PRUNE2: variants seen among roughly 807,000 people sequenced by gnomAD.
PRUNE2 encodes protein prune homolog 2.
PRUNE2 carries 164 observed loss-of-function variants against 252.0 expected under a neutral mutation model. The observed-to-expected ratio is 0.65, with a 90% CI of 0.57 to 0.74. The LOEUF (loss-of-function observed/expected upper bound fraction) is 0.74, where lower values mean the gene tolerates loss of function less well. Ranked by LOEUF, PRUNE2 falls within the 30% of genes least tolerant of loss-of-function variation. The pLI is 0.00. For synonymous variants in PRUNE2, 1,292 were observed against 1,350.2 expected, an observed-to-expected ratio of 0.96 and a Z score of 0.94; for missense variants, 3,495 against 3,711.0, an observed-to-expected ratio of 0.94 and a Z score of 1.51.
At chr9:76,643,841 A>G (rs559090076) in intron 12 of PRUNE2, among the ~76,000 whole-genome samples, 7 of 152,308 alleles carry the variant, frequency 4.6e-5, no homozygotes, top group African/African-American at 1.7e-4. Flanking sequence ...TTGTTATAAT[A>G]GAAAACAAAA....
In PRUNE2 at chr9:76,723,968, C is replaced by T. The variant is rs557568333; in HGVS notation, c.757-10247G>A. 3.3e-5 allele frequency among the ~76,000 whole-genome samples: 5 copies of T among 151,340 alleles called. No homozygotes were observed. In the South Asian group the frequency reaches 8.4e-4, roughly 25 times the overall value. On this transcript the variant is annotated intron_variant, in intron 6 of 18. Coordinates refer to ENST00000376718, the MANE Select transcript of PRUNE2 (RefSeq NM_015225.3). ...GACTACAGGCGCCTGCTACCACGCT[C>T]GGCTAACTTTTTGTATTTTTAGTAG...
intron 4 of PRUNE2, among the ~76,000 whole-genome samples, chr9:76,836,499 T>A (rs1012446763): frequency 1.3e-5 from 2 of 151,762 alleles, no homozygotes; most frequent in Non-Finnish European, 2.9e-5. Flanking sequence ...GCTAAAAGAT[T>A]TTCTTTCCAA....
At chr9:76,690,774 G>C (rs1274931378) in intron 9 of PRUNE2, among the ~76,000 whole-genome samples, 1 of 152,176 alleles carries the variant, frequency 6.6e-6, no homozygotes, top group African/African-American at 2.4e-5. Flanking sequence ...ATCTCACAGG[G>C]ATGTTTAGGT....
At chr9:76,896,769 CA>C (rs2062848306) in intron 1 of PRUNE2, among the ~76,000 whole-genome samples, 1 of 152,134 alleles carries the variant, frequency 6.6e-6, no homozygotes, top group East Asian at 1.9e-4. Context: ...GACCCCCTGA[CA>C]TCGGTCAATC....
chr9:76,624,008 TTAAG>T (rs1233273558), intron 17 of PRUNE2, among the ~76,000 whole-genome samples: 2 of 152,362 alleles, frequency 1.3e-5, no homozygotes, highest in African/African-American at 4.8e-5. Context: ...TCCAAAGTCA[TTAAG>T]TAAGTTGTTG....
chr9:76,627,770 C>A, intron 16 of PRUNE2: 1 of 266,740 alleles, frequency 3.7e-6, no homozygotes, highest in Non-Finnish European at 7.8e-6. Context: ...ATTTCCGTTC[C>A]ATCTCTTCCT....
In PRUNE2 at chr9:76,710,988, C is replaced by T. The variant is rs2046684452; in HGVS notation, c.1286G>A (p.Gly429Glu). Residue 429 changes from glycine (G) to glutamate (E), a missense_variant, in exon 8 of 19, where the codon GGA becomes GAA. By Grantham distance (98) the Gly-to-Glu change is moderately conservative. Coordinates refer to ENST00000376718, the MANE Select transcript of PRUNE2 (RefSeq NM_015225.3). ...GCGGCTGCTCCTAATGGTAGCCAGT[C>T]CGCTGTCTGGGCTAACAAGGTCTAC... ...ANVDLVSPDSGLATIRSSRSS... is the reference protein window; with the variant it reads ...ANVDLVSPDSELATIRSSRSS... 6.2e-7 allele frequency: 1 copy of T among 1,611,536 alleles called. No homozygotes were observed. The highest frequency in any genetic ancestry group is 8.5e-7 in the Non-Finnish European group (1 of 1,178,642).
At chr9:76,646,681 A>G (rs1844998166) in intron 11 of PRUNE2, among the ~76,000 whole-genome samples, 1 of 151,344 alleles carries the variant, frequency 6.6e-6, no homozygotes, top group Non-Finnish European at 1.5e-5. Context: ...TCTGGTCTCT[A>G]CTCCCCCAGA....
At chr9:76,702,418 C>T (rs978844351) in intron 9 of PRUNE2, among the ~76,000 whole-genome samples, 51 of 152,250 alleles carry the variant, frequency 3.3e-4, no homozygotes, top group African/African-American at 1.0e-3. Flanking sequence ...ACTTAAGTTA[C>T]TTTTCACAAT....
chr9:76,750,458 T>A (rs902890301), intron 6 of PRUNE2, among the ~76,000 whole-genome samples: 104 of 152,278 alleles, frequency 6.8e-4, no homozygotes, highest in African/African-American at 2.3e-3. Flanking sequence ...ACCCCACACA[T>A]TTGGTGGCCA....
intron 1 of PRUNE2, among the ~76,000 whole-genome samples, chr9:76,860,038 G>T (rs1481601723): frequency 6.6e-6 from 1 of 152,104 alleles, no homozygotes; most frequent in Non-Finnish European, 1.5e-5. Context: ...AGTGGGCAGG[G>T]GCTGGAAAGC....
intron 1 of PRUNE2, among the ~76,000 whole-genome samples, chr9:76,890,083 ACT>A (rs2062374954): frequency 6.6e-6 from 1 of 151,978 alleles, no homozygotes; most frequent in Non-Finnish European, 1.5e-5. Context: ...ATAAGCTAAG[ACT>A]CTCAGGAATG....
intron 11 of PRUNE2, among the ~76,000 whole-genome samples, chr9:76,645,764 A>G (rs1844589483): frequency 6.6e-6 from 1 of 152,246 alleles, no homozygotes; most frequent in African/African-American, 2.4e-5. Context: ...TCTGAAAGAA[A>G]AGATTATTTA....
chr9:76,798,575 G>C (rs2056302152), intron 6 of PRUNE2, among the ~76,000 whole-genome samples: 1 of 152,122 alleles, frequency 6.6e-6, no homozygotes, highest in African/African-American at 2.4e-5. Flanking sequence ...ACTGTGTATA[G>C]TGCTGCTATG....
At chr9:76,889,078 T>C (rs1405956324) in intron 1 of PRUNE2, among the ~76,000 whole-genome samples, 2 of 152,036 alleles carry the variant, frequency 1.3e-5, no homozygotes, top group African/African-American at 4.8e-5. Flanking sequence ...CCTGAACTCC[T>C]GACCTCAGGT....
intron 6 of PRUNE2, among the ~76,000 whole-genome samples, chr9:76,753,036 T>C (rs1469325389): frequency 6.6e-6 from 1 of 152,236 alleles, no homozygotes; most frequent in Non-Finnish European, 1.5e-5. Flanking sequence ...TACACTGTTT[T>C]GTTTTTGTTT....
At chr9:76,865,190 G>T (rs2060765035) in intron 1 of PRUNE2, among the ~76,000 whole-genome samples, 1 of 152,100 alleles carries the variant, frequency 6.6e-6, no homozygotes, top group Non-Finnish European at 1.5e-5. Context: ...TACATTTTCT[G>T]TTTTTTAAAA....
intron 6 of PRUNE2, among the ~76,000 whole-genome samples, chr9:76,742,063 A>T (rs1255257776): frequency 6.6e-6 from 1 of 152,242 alleles, no homozygotes; most frequent in Non-Finnish European, 1.5e-5. Flanking sequence ...TAAAAATGTT[A>T]AATAATAAAC....
intron 1 of PRUNE2, among the ~76,000 whole-genome samples, chr9:76,887,428 G>T (rs141820167): frequency 1.2e-3 from 178 of 152,310 alleles, no homozygotes; most frequent in African/African-American, 4.1e-3. Context: ...GTGAATGCTA[G>T]CTCTCACCAC....
Sources: allele counts gnomAD v4.1 joint callset (sites outside exome capture counted in the v4.1 genomes callset), GRCh38; gene constraint gnomAD v4.1.1; transcripts MANE v1.5; gene names NCBI Gene and HGNC (gene_info 2026-07-23, HGNC 2026-07-21).